Variants in NPAS3 observed in about 807,000 individuals in gnomAD.
NPAS3 encodes neuronal PAS domain protein 3, also known as neuronal PAS domain-containing protein 3.
In NPAS3, 14 loss-of-function variants were observed where a neutral mutation model predicts 73.1. The ratio of observed to expected loss-of-function variants is 0.19; its 90% CI spans 0.13 to 0.30. NPAS3 has a LOEUF of 0.30. Ranked by LOEUF, NPAS3 falls within the 10% of genes least tolerant of loss-of-function variation. The pLI, the probability that NPAS3 is intolerant of heterozygous loss-of-function variation, is 1.00. For synonymous variants in NPAS3, 620 were observed against 541.5 expected (o/e 1.14, Z -2.01); for missense variants, 1,096 against 1,250.0 (o/e 0.88, Z 1.86).
rs116453667 is a variant in NPAS3 at position 33,468,329 on chromosome 14, C to T, written c.469-91792C>T. ...AGTATGTAAACTTATAACTGCATAA[C>T]GATCTGTAGAAAATATGAAGGCCAA... On this transcript the variant is annotated intron_variant, in intron 4 of 11. Coordinates refer to ENST00000356141, the Ensembl canonical transcript of NPAS3. Among the ~76,000 whole-genome samples the T allele has an allele frequency of 6.7e-3, 1,017 of 152,264 alleles. 17 individuals carry two copies. Among genetic ancestry groups the T allele is most frequent in the African/African-American group, 0.023 (956 of 41,546 alleles).
chr14:33,800,557 G>A lies in NPAS3; in HGVS notation c.2250G>A (p.Pro750=), dbSNP rs1375951855. The A allele has an allele frequency of 6.0e-6, 8 of 1,326,484 alleles. No individual in the cohort carries two copies. Among genetic ancestry groups the A allele is most frequent in the South Asian group, 2.2e-5 (1 of 44,612 alleles). 82.2% of individuals were successfully genotyped at this position (1,326,484 alleles called of 1,614,324 possible). A position where few individuals can be genotyped will look rare whatever the true frequency, so the allele number is the denominator to read the frequency against. Residue 750 remains proline (P), a synonymous_variant, in exon 12 of 12, where the codon CCG becomes CCA. Transcript: ENST00000356141. The surrounding 1 kb of genome is among the most constrained non-coding windows in gnomAD (Gnocchi z 6.5). ...TCGCCTCCGACCCGCTGTCACCCCC[G>A]CTCTCGGCGTCCCCGCGGGACAAGC...
intron 3 of NPAS3, among the ~76,000 whole-genome samples, chr14:33,244,672 A>T (rs1340778172): frequency 6.6e-6 from 1 of 152,210 alleles, no homozygotes; most frequent in Non-Finnish European, 1.5e-5. Flanking sequence ...TGGTACAGTC[A>T]GTATTATAAT....
chr14:33,040,430 T>C (rs2040313661), intron 1 of NPAS3, among the ~76,000 whole-genome samples: 1 of 152,136 alleles, frequency 6.6e-6, no homozygotes, highest in Non-Finnish European at 1.5e-5. Flanking sequence ...ACCACAGATA[T>C]TGGGGTACTT....
intron 10 of NPAS3, 55 bp downstream of exon 10, chr14:33,794,099 A>T: frequency 6.7e-7 from 1 of 1,483,404 alleles, no homozygotes; most frequent in Non-Finnish European, 9.3e-7. Context: ...ATGCCATATA[A>T]AATATGGCTA....
In NPAS3 at chr14:33,521,931, A is replaced by G. The variant is rs145178384; in HGVS notation, c.469-38190A>G. On this transcript the variant is annotated intron_variant, in intron 4 of 11. Coordinates refer to ENST00000356141, the Ensembl canonical transcript of NPAS3. ...TCAGTTTACATTGGCTGGAATATCCATTATGATCCATCTTACCTATTTGAT... is the reference window on the plus strand; with the variant it reads ...TCAGTTTACATTGGCTGGAATATCCGTTATGATCCATCTTACCTATTTGAT... Among the ~76,000 whole-genome samples the G allele has an allele frequency of 1.7e-3, 259 of 152,274 alleles. 1 individual carries two copies. Among genetic ancestry groups the G allele is most frequent in the African/African-American group, 6.1e-3 (253 of 41,556 alleles).
Position 33,043,761 on chromosome 14 carries a change from T to C in NPAS3, c.51-12144T>C, listed in dbSNP as rs372646859. Among the ~76,000 whole-genome samples the C allele has an allele frequency of 9.9e-5, 15 of 151,872 alleles. No individual in the cohort carries two copies. In the South Asian group the frequency reaches 3.1e-3, roughly 32 times the overall value. On this transcript the variant is annotated intron_variant, in intron 1 of 11. Coordinates refer to ENST00000356141, the Ensembl canonical transcript of NPAS3. ...ATTTTAAAGGCCCAATTCCAGTTAA[T>C]AATCAGAGCAGTTCAGATTTAAAAA...
chr14:33,639,749 T>G (rs1308669637), intron 5 of NPAS3, among the ~76,000 whole-genome samples: 3 of 152,168 alleles, frequency 2.0e-5, no homozygotes, highest in Admixed American at 1.3e-4. Flanking sequence ...TCTTACATGA[T>G]TAACCAAAAA....
chr14:33,009,995 C>T (rs1295245381), intron 1 of NPAS3, among the ~76,000 whole-genome samples: 7 of 152,162 alleles, frequency 4.6e-5, no homozygotes, highest in Admixed American at 4.6e-4. Flanking sequence ...GTTACTTCCA[C>T]AGAGAACAGG....
chr14:33,152,275 C>A (rs999099245), intron 2 of NPAS3, among the ~76,000 whole-genome samples: 5 of 152,134 alleles, frequency 3.3e-5, no homozygotes, highest in Non-Finnish European at 7.4e-5. Context: ...TCAATAGATA[C>A]AAAGCTTCAT....
intron 1 of NPAS3, among the ~76,000 whole-genome samples, chr14:33,011,067 G>A (rs2039177693): frequency 6.6e-6 from 1 of 152,020 alleles, no homozygotes; most frequent in Non-Finnish European, 1.5e-5. Flanking sequence ...CTGTGGTGTT[G>A]GGTTAAATCG....
intron 9 of NPAS3, among the ~76,000 whole-genome samples, chr14:33,783,588 G>A (rs1285240939): frequency 6.8e-6 from 1 of 148,010 alleles, no homozygotes; most frequent in Admixed American, 6.7e-5. Context: ...TTAGTTTTTT[G>A]GGGGGGTGGT....
At chr14:33,794,453 G>A (rs1390405193) in intron 10 of NPAS3, among the ~76,000 whole-genome samples, 12 of 152,176 alleles carry the variant, frequency 7.9e-5, no homozygotes, top group Non-Finnish European at 1.6e-4. Flanking sequence ...CAGAGCGGGA[G>A]AAAAGTGGCA....
At chr14:33,751,634 G>A (rs946894836) in intron 7 of NPAS3, among the ~76,000 whole-genome samples, 10 of 152,094 alleles carry the variant, frequency 6.6e-5, no homozygotes, top group East Asian at 1.9e-4. Context: ...CATTTCAGGC[G>A]CCCACAGTTT....
rs866145545 is a variant in NPAS3, at chr14:33,565,262, T to A, written c.558+5052T>A. Among the ~76,000 whole-genome samples the A allele has an allele frequency of 1.8e-4, 27 of 152,374 alleles. No individual in the cohort carries two copies. The East Asian group carries it at 5.0e-3, about 28-fold the overall frequency. Reference sequence around the variant, plus strand: ...TTCATCTCCATATTTTAGATTTCTCTGCATTTGTTATATAAAATGGCAAAT... The same window carrying A: ...TTCATCTCCATATTTTAGATTTCTCAGCATTTGTTATATAAAATGGCAAAT... On this transcript the variant is annotated intron_variant, in intron 5 of 11. Coordinates refer to ENST00000356141, the Ensembl canonical transcript of NPAS3.
intron 1 of NPAS3, among the ~76,000 whole-genome samples, chr14:32,976,570 G>T (rs754960601): frequency 6.6e-6 from 1 of 152,124 alleles, no homozygotes; most frequent in African/African-American, 2.4e-5. Flanking sequence ...TTTGGAGGAC[G>T]CTGCTTTAAA....
intron 4 of NPAS3, among the ~76,000 whole-genome samples, chr14:33,441,651 G>A (rs1471336000): frequency 6.6e-6 from 1 of 152,102 alleles, no homozygotes; most frequent in Non-Finnish European, 1.5e-5. Context: ...ATTTCTAAGA[G>A]TTCTTGTATT....
chr14:32,946,374 A>ACG, intron 1 of NPAS3, among the ~76,000 whole-genome samples: 1 of 151,548 alleles, frequency 6.6e-6, no homozygotes, highest in Admixed American at 6.6e-5. Flanking sequence ...ACACACACAC[A>ACG]CACACACACA....
At chr14:33,061,481 A>G (rs1479118018) in intron 2 of NPAS3, among the ~76,000 whole-genome samples, 2 of 152,372 alleles carry the variant, frequency 1.3e-5, no homozygotes, top group South Asian at 2.1e-4. Flanking sequence ...TCTAATTTCC[A>G]CATCATGCCT....
At chr14:32,952,910 A>C (rs1303949953) in intron 1 of NPAS3, among the ~76,000 whole-genome samples, 1 of 151,888 alleles carries the variant, frequency 6.6e-6, no homozygotes, top group Non-Finnish European at 1.5e-5. Context: ...ATGTTTCTAC[A>C]AAAAAATAAC....
Sources: gnomAD v4.1 joint callset for allele counts (sites outside exome capture counted in the v4.1 genomes callset) on GRCh38, gnomAD v4.1.1 for gene constraint, Gnocchi (gnomAD v3.1) non-coding constraint, MANE v1.5 for transcripts, NCBI Gene and HGNC (gene_info 2026-07-23, HGNC 2026-07-21) for gene names.